The following CDH13 variants were observed in gnomAD, a reference collection of about 807,000 sequenced individuals.
The protein encoded by CDH13 is cadherin-13.
In CDH13, 24 loss-of-function variants were observed where a neutral mutation model predicts 63.8. That is an observed-to-expected ratio of 0.38 (90% CI 0.27 to 0.53). The LOEUF (loss-of-function observed/expected upper bound fraction) is 0.53. CDH13 is among the 20% of genes least tolerant of loss of function. CDH13 has a pLI of 0.85. For missense variants in CDH13, 1,049 were observed against 903.1 expected (o/e 1.16, Z -2.07); for synonymous variants, 503 against 355.3 (o/e 1.42, Z -4.67).
At chr16:83,142,658 C>T (rs1340190577) in intron 4 of CDH13, among the ~76,000 whole-genome samples, 2 of 152,194 alleles carry the variant, frequency 1.3e-5, no homozygotes, top group Non-Finnish European at 1.5e-5. Flanking sequence ...ATGCAGCAAA[C>T]CCCAAGATAG....
At chr16:82,996,925 T>A (rs552906121) in intron 2 of CDH13, among the ~76,000 whole-genome samples, 6 of 150,960 alleles carry the variant, frequency 4.0e-5, no homozygotes, top group Non-Finnish European at 7.4e-5. Flanking sequence ...ATTATTATGG[T>A]AATGATAATT....
chr16:82,627,718 T>C lies in CDH13; in HGVS notation c.45+581T>C, dbSNP rs1366493192. Among the ~76,000 whole-genome samples, 5 of 152,188 alleles carry C rather than the reference T, an allele frequency of 3.3e-5. No individual in the cohort carries two copies. The East Asian group carries it at 9.8e-4, about 30-fold the overall frequency. ...CAGAGAGCCTCAGCCCGGCTGCTGC[T>C]GTCGCTCAAAGGCGCCGGCGCCGGC... On this transcript the variant is annotated intron_variant, in intron 1 of 13. Transcript: ENST00000567109.
chr16:83,604,605 G>A (rs1337999215), intron 8 of CDH13, among the ~76,000 whole-genome samples: 1 of 152,122 alleles, frequency 6.6e-6, no homozygotes. Flanking sequence ...TGGCCTGGGG[G>A]CTTTTTTTTC....
chr16:83,474,878 A>G (rs190780721), intron 6 of CDH13, among the ~76,000 whole-genome samples: 223 of 152,250 alleles, frequency 1.5e-3, no homozygotes, highest in African/African-American at 5.1e-3. Flanking sequence ...TAGGGAAACA[A>G]CCGCTGGAGG....
At chr16:83,712,661 T>C (rs1317368503) in intron 10 of CDH13, among the ~76,000 whole-genome samples, 3 of 152,206 alleles carry the variant, frequency 2.0e-5, no homozygotes, top group African/African-American at 7.2e-5. Context: ...ATTTTACTTA[T>C]GTTATTCAAT....
intron 2 of CDH13, among the ~76,000 whole-genome samples, chr16:83,006,418 A>G (rs1913500999): frequency 6.6e-6 from 1 of 152,200 alleles, no homozygotes; most frequent in Non-Finnish European, 1.5e-5. Context: ...CCCCCAGAAT[A>G]GCTCCTCTCT....
At chr16:83,450,611 C>G (rs2072860662) in intron 6 of CDH13, among the ~76,000 whole-genome samples, 1 of 152,196 alleles carries the variant, frequency 6.6e-6, no homozygotes, top group Non-Finnish European at 1.5e-5. Flanking sequence ...TGGCTTATGC[C>G]TGTAATCCCA....
At chr16:83,101,608 A>C (rs1426570026) in intron 3 of CDH13, among the ~76,000 whole-genome samples, 2 of 152,150 alleles carry the variant, frequency 1.3e-5, no homozygotes, top group Non-Finnish European at 1.5e-5. Flanking sequence ...AGCCTGGCTA[A>C]CATGGCCAAA....
In CDH13 at chr16:83,075,422, T is replaced by C. The variant is rs951454653; in HGVS notation, c.366+43204T>C. ...TGTGAGCTGGGTTCTTCTTTCCCAG[T>C]CATTTTCCTGTCTTAACCTTGGGGT... On this transcript the variant is annotated intron_variant, in intron 3 of 13. Coordinates refer to ENST00000567109, the MANE Select transcript of CDH13 (RefSeq NM_001257.5). 5.9e-5 allele frequency among the ~76,000 whole-genome samples: 9 copies of C among 152,338 alleles called. No individual in the cohort carries two copies. The South Asian group carries it at 1.9e-3, about 32-fold the overall frequency.
intron 6 of CDH13, among the ~76,000 whole-genome samples, chr16:83,361,534 G>C (rs976126564): frequency 3.9e-5 from 6 of 152,080 alleles, no homozygotes; most frequent in African/African-American, 1.4e-4. Context: ...CGTTTCCTAG[G>C]TTTTCTTCCA....
chr16:83,398,041 A>G (rs1211383182), intron 6 of CDH13: 1 of 129,268 alleles, frequency 7.7e-6, no homozygotes, highest in Non-Finnish European at 1.7e-5. Context: ...TCAGCCAGCC[A>G]CAATTCAATT....
chr16:83,798,999 G>C lies in CDH13; in HGVS notation c.*3969G>C, dbSNP rs943010338. The C allele has an allele frequency of 2.0e-5, 3 of 152,052 alleles. No homozygotes were observed. Among genetic ancestry groups the C allele is most frequent in the Non-Finnish European group, 4.4e-5 (3 of 68,012 alleles). The allele number at this position is 152,052 out of a possible 1,614,324, so 9.4% of individuals were successfully genotyped here. On this transcript the variant is annotated 3_prime_UTR_variant, in exon 14 of 14. Coordinates refer to ENST00000567109, the MANE Select transcript of CDH13 (RefSeq NM_001257.5). Reference sequence around the variant, plus strand: ...GCAGGTAGATGAGGGGCTTCTCCTAGATTAATTTAACATCTCAGTTAATCA... The same window carrying C: ...GCAGGTAGATGAGGGGCTTCTCCTACATTAATTTAACATCTCAGTTAATCA...
At chr16:83,234,822 G>A (rs2151807506) in intron 5 of CDH13, among the ~76,000 whole-genome samples, 1 of 152,314 alleles carries the variant, frequency 6.6e-6, no homozygotes, top group South Asian at 2.1e-4. Flanking sequence ...AAGGTTACAT[G>A]GTAGCTGATA....
intron 7 of CDH13, among the ~76,000 whole-genome samples, chr16:83,492,760 A>G (rs2074043772): frequency 6.6e-6 from 1 of 152,106 alleles, no homozygotes; most frequent in African/African-American, 2.4e-5. Flanking sequence ...GGAGGGTTAG[A>G]GATGGGGAAG....
intron 1 of CDH13, among the ~76,000 whole-genome samples, chr16:82,763,525 C>A (rs1461239318): frequency 6.6e-6 from 1 of 152,088 alleles, no homozygotes. Context: ...AGCCACTGGC[C>A]AACAATTTCA....
rs149457411 is a variant in CDH13 at position 83,341,484 on chromosome 16, T to C, written c.637-3378T>C. Among the ~76,000 whole-genome samples the C allele has an allele frequency of 2.1e-3, 316 of 152,308 alleles. 1 individual carries two copies. Among genetic ancestry groups the C allele is most frequent in the African/African-American group, 6.8e-3 (283 of 41,580 alleles). On this transcript the variant is annotated intron_variant, in intron 5 of 13. Transcript: ENST00000567109. The stretch of plus-strand genomic sequence containing the variant: ...AACAACTTCCTCATGCATATGCATG[T>C]GCTTAATTTTCATCCACATCATTAA...
At chr16:83,303,939 C>G (rs1248483313) in intron 5 of CDH13, among the ~76,000 whole-genome samples, 1 of 152,054 alleles carries the variant, frequency 6.6e-6, no homozygotes, top group Non-Finnish European at 1.5e-5. Flanking sequence ...GAAGGTTTTC[C>G]CAGGGGATCT....
intron 5 of CDH13, among the ~76,000 whole-genome samples, chr16:83,306,201 G>A (rs2089873949): frequency 6.6e-6 from 1 of 152,210 alleles, no homozygotes; most frequent in Non-Finnish European, 1.5e-5. Context: ...ACATATAGAA[G>A]AAAGTATTCT....
At chr16:82,717,024 C>T (rs1475032144) in intron 1 of CDH13, among the ~76,000 whole-genome samples, 1 of 152,022 alleles carries the variant, frequency 6.6e-6, no homozygotes, top group Non-Finnish European at 1.5e-5. Flanking sequence ...ATGAGCTGAG[C>T]TTGGCCAGAT....
Sources: allele counts gnomAD v4.1 joint callset (sites outside exome capture counted in the v4.1 genomes callset), GRCh38; gene constraint gnomAD v4.1.1; transcripts MANE v1.5; gene names NCBI Gene and HGNC (gene_info 2026-07-23, HGNC 2026-07-21).